The following RBPJ variants were observed in gnomAD, a reference collection of about 807,000 sequenced individuals.
The protein encoded by RBPJ is recombining binding protein suppressor of hairless.
RBPJ carries 9 observed loss-of-function variants against 67.8 expected under a neutral mutation model. The ratio of observed to expected loss-of-function variants is 0.13; its 90% confidence interval spans 0.08 to 0.23. The LOEUF (loss-of-function observed/expected upper bound fraction) is 0.23, where lower values mean the gene tolerates loss of function less well. Among genes scored for constraint, RBPJ ranks in the 10% least tolerant of loss-of-function variants. The pLI is 1.00. For synonymous variants in RBPJ, 198 were observed against 203.3 expected (o/e 0.97, Z 0.22); for missense variants, 305 against 595.6 (o/e 0.51, Z 5.08).
At chr4:26,293,593 G>C (rs561055986) in intron 1 of RBPJ, among the ~76,000 whole-genome samples, 1 of 150,498 alleles carries the variant, frequency 6.6e-6, no homozygotes, top group South Asian at 2.1e-4. Context: ...CTGTGATTGT[G>C]CCATAGTACT....
At chr4:26,362,691 GTATT>G in intron 1 of RBPJ, 1 of 1,315,066 alleles carries the variant, frequency 7.6e-7, no homozygotes, top group African/African-American at 1.5e-5. Context: ...TCATGATTCT[GTATT>G]TAGTTAATGC....
Position 26,431,137 on chromosome 4 carries a change from C to A in RBPJ, c.*130C>A. ...CATACCAGGTGATACTATTCAAAAA[C>A]CCCGTTGTCTCCCTGCAAGTGCTGA... On this transcript the variant is annotated 3_prime_UTR_variant, in exon 11 of 11. Coordinates refer to ENST00000355476, the MANE Select transcript of RBPJ (RefSeq NM_015874.6). 2.0e-6 allele frequency: 1 copy of A among 492,076 alleles called. No individual in the cohort carries two copies. 30.5% of individuals were successfully genotyped at this position (492,076 alleles called of 1,614,324 possible).
At chr4:26,275,682 G>A (rs888953569) in intron 1 of RBPJ, among the ~76,000 whole-genome samples, 6 of 152,132 alleles carry the variant, frequency 3.9e-5, no homozygotes, top group Admixed American at 6.5e-5. Flanking sequence ...CCAGGCTGGA[G>A]TGCAGTAGCG....
At position 26,417,173 on chromosome 4, in the gene RBPJ, G is replaced by A. The variant is rs73810906; in HGVS notation, c.321+1533G>A. Among the ~76,000 whole-genome samples the A allele has an allele frequency of 5.0e-3, 765 of 152,286 alleles. 10 individuals carry two copies. The highest frequency in any genetic ancestry group is 0.018 in the African/African-American group (743 of 41,566). On this transcript the variant is annotated intron_variant, in intron 4 of 10. Transcript: ENST00000355476. Reference sequence around the variant, plus strand: ...GGATCAGATAGGTAGTGAGAAGCCAGGGATTCTAGCTACCTGTGTGTATAA... The same window carrying A: ...GGATCAGATAGGTAGTGAGAAGCCAAGGATTCTAGCTACCTGTGTGTATAA...
the RBPJ span, among the ~76,000 whole-genome samples, chr4:26,118,690 T>G: frequency 1.3e-5 from 2 of 152,226 alleles, no homozygotes; most frequent in South Asian, 4.1e-4. Context: ...GTCCTTTAAT[T>G]TCTACTGTTG....
At chr4:26,143,289 C>T in the RBPJ span, among the ~76,000 whole-genome samples, 6 of 152,214 alleles carry the variant, frequency 3.9e-5, no homozygotes, top group Non-Finnish European at 8.8e-5. Context: ...CACCTCATCC[C>T]TCTTTCAATT....
intron 1 of RBPJ, among the ~76,000 whole-genome samples, chr4:26,186,192 T>TAA (rs528707678): frequency 8.6e-4 from 101 of 117,036 alleles, no homozygotes; most frequent in Middle Eastern, 5.3e-3. Context: ...CCCTTTTTTT[T>TAA]AAAAAAAAAA....
At chr4:26,283,111 A>G (rs1173725289) in intron 1 of RBPJ, among the ~76,000 whole-genome samples, 2 of 148,058 alleles carry the variant, frequency 1.4e-5, no homozygotes, top group Non-Finnish European at 3.0e-5. Context: ...TTTTATTTTT[A>G]GTAGAGACAG....
chr4:26,369,581 TA>T (rs1405204585), intron 1 of RBPJ, among the ~76,000 whole-genome samples: 1 of 152,234 alleles, frequency 6.6e-6, no homozygotes, highest in African/African-American at 2.4e-5. Context: ...CAGTGGTAGA[TA>T]TCCAAGTGTG....
the RBPJ span, among the ~76,000 whole-genome samples, chr4:26,153,323 G>GA: frequency 6.6e-6 from 1 of 152,196 alleles, no homozygotes; most frequent in Admixed American, 6.5e-5. Context: ...TTAATGCAGT[G>GA]AAAAAATAGA....
chr4:26,255,781 A>G lies in RBPJ; in HGVS notation c.-167+92167A>G, dbSNP rs192035922. ...CGTGCCACTGCACTCCAGCCTGGGC[A>G]ACAGAGCAAGACTCCGTCTCAAAAA... On this transcript the variant is annotated intron_variant, in intron 1 of 4. Transcript: ENST00000512351. Among the ~76,000 whole-genome samples the G allele has an allele frequency of 9.3e-3, 1,377 of 148,676 alleles. 5 individuals are homozygous for G. Among genetic ancestry groups the G allele is most frequent in the Non-Finnish European group, 0.014 (927 of 66,492 alleles).
At chr4:26,214,691 AGGAAGGAT>A (rs1247138983) in intron 1 of RBPJ, among the ~76,000 whole-genome samples, 1 of 90,334 alleles carries the variant, frequency 1.1e-5, no homozygotes, top group African/African-American at 6.6e-5. Context: ...GGAGAGAGGG[AGGAAGGAT>A]GGAAGGAAGG....
intron 1 of RBPJ, among the ~76,000 whole-genome samples, chr4:26,210,456 A>C (rs926812094): frequency 6.6e-6 from 1 of 152,208 alleles, no homozygotes; most frequent in Non-Finnish European, 1.5e-5. Flanking sequence ...AATCGCATCA[A>C]TTTAAAGCCA....
chr4:26,108,271 C>T, the RBPJ span, among the ~76,000 whole-genome samples: 66 of 152,254 alleles, frequency 4.3e-4, 1 homozygote, highest in African/African-American at 1.5e-3. Flanking sequence ...CTTGAACCCT[C>T]CCACGAGGTG....
At chr4:26,157,258 C>A in the RBPJ span, among the ~76,000 whole-genome samples, 1 of 151,934 alleles carries the variant, frequency 6.6e-6, no homozygotes, top group Non-Finnish European at 1.5e-5. Context: ...ATAATGAGAC[C>A]CCACCTCTCC....
chr4:26,202,422 A>G (rs1718010958), intron 1 of RBPJ, among the ~76,000 whole-genome samples: 1 of 151,980 alleles, frequency 6.6e-6, no homozygotes. Context: ...AAATTTCAAC[A>G]TATCTAAAAC....
chr4:26,312,911 C>T (rs192274574), intron 1 of RBPJ, among the ~76,000 whole-genome samples: 87 of 152,264 alleles, frequency 5.7e-4, no homozygotes, highest in East Asian at 2.5e-3. Flanking sequence ...AGGTCACATA[C>T]GTAACTTTTT....
intron 2 of RBPJ, among the ~76,000 whole-genome samples, chr4:26,399,922 G>A (rs921423773): frequency 9.2e-5 from 14 of 151,846 alleles, no homozygotes; most frequent in African/African-American, 3.4e-4. Context: ...CAATTGATTT[G>A]CCCACCTCAG....
chr4:26,202,067 T>G (rs777188931), intron 1 of RBPJ, among the ~76,000 whole-genome samples: 6 of 152,360 alleles, frequency 3.9e-5, no homozygotes, highest in Non-Finnish European at 8.8e-5. Flanking sequence ...TGGCTGCTTC[T>G]TCTCAGCACT....
Sources: gnomAD v4.1 joint callset for allele counts (sites outside exome capture counted in the v4.1 genomes callset) on GRCh38, gnomAD v4.1.1 for gene constraint, MANE v1.5 for transcripts, NCBI Gene and HGNC (gene_info 2026-07-23, HGNC 2026-07-21) for gene names.